Variants in SPATA13 observed in about 807,000 individuals in gnomAD.
SPATA13 encodes spermatogenesis associated 13.
Under a neutral mutation model 104.0 loss-of-function variants are expected in SPATA13, and 50 were observed. The ratio of observed to expected loss-of-function variants is 0.48; its 90% CI spans 0.38 to 0.61. The LOEUF (loss-of-function observed/expected upper bound fraction) is 0.61, where lower values mean the gene tolerates loss of function less well. Ranked by LOEUF, SPATA13 falls within the 20% of genes least tolerant of loss-of-function variation. The probability of loss-of-function intolerance (pLI) is 0.00; values close to 1 mark genes in which losing one functional copy is unlikely to be tolerated. For missense variants in SPATA13, 1,524 were observed against 1,690.6 expected, an observed-to-expected ratio of 0.90 and a Z score of 1.73; for synonymous variants, 606 against 667.5, an observed-to-expected ratio of 0.91 and a Z score of 1.42.
upstream of SPATA13, among the ~76,000 whole-genome samples, chr13:24,158,748 A>C (rs1882340310): frequency 6.6e-6 from 1 of 152,218 alleles, no homozygotes; most frequent in Non-Finnish European, 1.5e-5. Flanking sequence ...TACATGGGCT[A>C]AAGTTTTAAT....
chr13:24,235,772 T>C (rs1872534594), intron 2 of SPATA13, among the ~76,000 whole-genome samples: 1 of 152,182 alleles, frequency 6.6e-6, no homozygotes. Context: ...AAATAAAGAA[T>C]TTGGTCTAAA....
chr13:24,113,203 GA>G (rs1202461566), intron 3 of SPATA13, among the ~76,000 whole-genome samples: 1 of 152,220 alleles, frequency 6.6e-6, no homozygotes, highest in Non-Finnish European at 1.5e-5. Context: ...CGTGCCAAAG[GA>G]AAACATATTT....
intron 3 of SPATA13, among the ~76,000 whole-genome samples, chr13:24,111,286 C>T (rs1252336430): frequency 2.0e-5 from 3 of 152,062 alleles, no homozygotes; most frequent in African/African-American, 7.2e-5. Context: ...ATCTTCCATC[C>T]TCTCCATCTC....
At chr13:24,158,658 G>A (rs1480733212), upstream of SPATA13, among the ~76,000 whole-genome samples, 2 of 152,042 alleles carry the variant, frequency 1.3e-5, no homozygotes, top group African/African-American at 4.8e-5. Context: ...CTGAAACCCT[G>A]AAAAAAATAT....
intron 4 of SPATA13, among the ~76,000 whole-genome samples, chr13:24,283,323 G>A (rs564236526): frequency 1.3e-4 from 20 of 152,300 alleles, no homozygotes; most frequent in African/African-American, 4.8e-4. Context: ...TCTGTCCCCA[G>A]CACCTGACAG....
intron 3 of SPATA13, among the ~76,000 whole-genome samples, chr13:24,143,331 T>A (rs1418166548): frequency 5.3e-5 from 8 of 152,194 alleles, no homozygotes; most frequent in Admixed American, 1.3e-4. Context: ...TTTCTCATTT[T>A]ACTTCTCCCA....
intron 10 of SPATA13, 141 bp downstream of exon 10, chr13:24,295,009 T>TACC: frequency 1.2e-6 from 1 of 831,888 alleles, no homozygotes; most frequent in Non-Finnish European, 1.7e-6. Flanking sequence ...ATGGTAAATG[T>TACC]ATTTCGAGGC....
intron 1 of SPATA13, among the ~76,000 whole-genome samples, chr13:24,199,070 A>G (rs1870254040): frequency 6.7e-6 from 1 of 149,304 alleles, no homozygotes; most frequent in Non-Finnish European, 1.5e-5. Flanking sequence ...TGTATTTTTT[A>G]CAGAGACAGG....
chr13:24,033,029 A>AT (rs1186635254), intron 3 of SPATA13, among the ~76,000 whole-genome samples: 1 of 152,158 alleles, frequency 6.6e-6, no homozygotes, highest in Non-Finnish European at 1.5e-5. Context: ...AAAAATTCAG[A>AT]TTTTTTTCTA....
intron 9 of SPATA13, among the ~76,000 whole-genome samples, chr13:24,292,995 CAAAAAA>C (rs34221097): frequency 1.3e-4 from 3 of 23,930 alleles, no homozygotes; most frequent in South Asian, 2.7e-3. Flanking sequence ...GACTTTGTCT[CAAAAAA>C]AAAAAAAAAA....
intron 1 of SPATA13, among the ~76,000 whole-genome samples, chr13:24,218,651 G>T (rs1018607789): frequency 2.0e-5 from 3 of 151,936 alleles, no homozygotes; most frequent in African/African-American, 7.3e-5. Flanking sequence ...GTGGCCCAGG[G>T]AAGCTTTGAA....
rs1876166353 is a variant in SPATA13, at chr13:24,289,234, C to T, written c.2847+56C>T. On this transcript the variant is annotated intron_variant, in intron 8 of 12. Transcript: ENST00000382108. ...CATCTGCTTACATAATTTTGAAGTG[C>T]ATCTCCACAGAAAACAGGAGTCTCT... is the stretch of plus-strand genomic sequence containing the variant. 3.5e-6 allele frequency: 5 copies of T among 1,415,650 alleles called. No individual in the cohort carries two copies. The South Asian group carries it at 5.1e-5, about 15-fold the overall frequency. The allele number at this position is 1,415,650 out of a possible 1,614,324, so 87.7% of individuals were successfully genotyped here.
chr13:24,212,816 G>A (rs1370097781), intron 1 of SPATA13, among the ~76,000 whole-genome samples: 1 of 152,244 alleles, frequency 6.6e-6, no homozygotes, highest in Non-Finnish European at 1.5e-5. Flanking sequence ...TACTTCATAG[G>A]TAAGGGCTCT....
intron 9 of SPATA13, 119 bp from the exon 10 acceptor site, chr13:24,294,620 C>T (rs1055242752): frequency 5.1e-5 from 58 of 1,128,476 alleles, no homozygotes; most frequent in Non-Finnish European, 6.5e-5. Context: ...TGGCTAATGA[C>T]GTAAATGTCA....
intron 4 of SPATA13, chr13:24,270,819 C>A: frequency 6.2e-7 from 1 of 1,612,772 alleles, no homozygotes. Context: ...GGTCACACCC[C>A]AGTCCTGCTC....
chr13:24,144,648 G>T (rs1007785695), intron 3 of SPATA13, among the ~76,000 whole-genome samples: 6 of 152,198 alleles, frequency 3.9e-5, no homozygotes, highest in African/African-American at 1.4e-4. Flanking sequence ...GCTCCGTCCG[G>T]GTTGCAGCAC....
intron 3 of SPATA13, among the ~76,000 whole-genome samples, chr13:24,128,738 A>T (rs1192008323): frequency 1.9e-4 from 3 of 15,930 alleles, no homozygotes; most frequent in South Asian, 6.7e-3. Flanking sequence ...CCTTATTTAA[A>T]AAAAAAAAAA....
At position 24,249,699 on chromosome 13, in the gene SPATA13, A is replaced by G; in HGVS notation, c.1876A>G (p.Met626Val). The G allele has an allele frequency of 6.2e-7, 1 of 1,613,620 alleles. No homozygotes were observed. The highest frequency in any genetic ancestry group is 8.5e-7 in the Non-Finnish European group (1 of 1,179,814). Residue 626 changes from methionine to valine, a missense_variant, in exon 3 of 13, where the codon ATG becomes GTG. Around this residue, in one of 2 missense-constraint regions of SPATA13, gnomAD observed 1,089 missense variants for 1,135.9 expected, o/e 0.96. Transcript: ENST00000382108. Reference protein sequence around the residue: ...DRVDEDPQASMTSASPEDQNA... With the variant: ...DRVDEDPQASVTSASPEDQNA... ...TGTGGACGAGGACCCCCAGGCAAGC[A>G]TGACTTCTGCCAGCCCTGAAGACCA... is the stretch of plus-strand genomic sequence containing the variant.
At chr13:24,294,360 A>T (rs985870718) in intron 9 of SPATA13, among the ~76,000 whole-genome samples, 1 of 152,242 alleles carries the variant, frequency 6.6e-6, no homozygotes, top group Non-Finnish European at 1.5e-5. Flanking sequence ...AAAGTACTTT[A>T]TGTAGCAAGA....
Sources: gnomAD v4.1 joint callset for allele counts (sites outside exome capture counted in the v4.1 genomes callset) on GRCh38, gnomAD v4.1.1 for gene constraint, gnomAD v4.1.1 regional missense constraint, MANE v1.5 for transcripts, NCBI Gene and HGNC (gene_info 2026-07-23, HGNC 2026-07-21) for gene names.